AKAP7: variants seen among roughly 807,000 people sequenced by gnomAD.
AKAP7 encodes the protein A-kinase anchoring protein 7.
A neutral mutation model predicts 39.5 loss-of-function variants in AKAP7; 39 were observed. The ratio of observed to expected loss-of-function variants is 0.99; its 90% CI spans 0.76 to 1.29. The LOEUF is 1.29. Among genes scored for constraint, AKAP7 ranks in the 50% most tolerant of loss-of-function variants. The probability of loss-of-function intolerance (pLI) is 0.00; values close to 1 mark genes in which losing one functional copy is unlikely to be tolerated. For missense variants in AKAP7, 414 were observed against 407.7 expected (o/e 1.02, Z -0.13); for synonymous variants, 140 against 139.1 (o/e 1.01, Z -0.05).
intron 5 of AKAP7, among the ~76,000 whole-genome samples, chr6:131,179,771 A>G (rs1472688215): frequency 6.6e-6 from 1 of 152,064 alleles, no homozygotes; most frequent in Non-Finnish European, 1.5e-5. Context: ...TAGATGGCTG[A>G]GGTGGAAGGA....
At chr6:131,164,520 C>A in intron 3 of AKAP7, 1 of 438,306 alleles carries the variant, frequency 2.3e-6, no homozygotes, top group Non-Finnish European at 4.6e-6. Context: ...CATGGTAATG[C>A]CCCTCCCCAC....
At chr6:131,217,934 A>C (rs1809335575) in intron 6 of AKAP7, among the ~76,000 whole-genome samples, 1 of 152,174 alleles carries the variant, frequency 6.6e-6, no homozygotes, top group Non-Finnish European at 1.5e-5. Flanking sequence ...AGCATTTAGA[A>C]GACAAGAATC....
intron 6 of AKAP7, among the ~76,000 whole-genome samples, chr6:131,210,458 G>A (rs1274463747): frequency 1.3e-5 from 2 of 152,168 alleles, no homozygotes; most frequent in Non-Finnish European, 2.9e-5. Context: ...TCCTACAGGA[G>A]GTGTTCTATT....
chr6:131,145,811 C>T (rs1801437210), intron 2 of AKAP7, among the ~76,000 whole-genome samples: 1 of 152,132 alleles, frequency 6.6e-6, no homozygotes, highest in South Asian at 2.1e-4. Flanking sequence ...GCCTTGGCCT[C>T]CAAAAGTGCT....
At chr6:131,253,272 G>C (rs549930434) in intron 7 of AKAP7, among the ~76,000 whole-genome samples, 3 of 152,192 alleles carry the variant, frequency 2.0e-5, no homozygotes, top group African/African-American at 7.2e-5. Context: ...TAGTTGTGTG[G>C]GAGCCTAAGC....
intron 7 of AKAP7, among the ~76,000 whole-genome samples, chr6:131,225,624 C>T (rs967307100): frequency 6.6e-6 from 1 of 152,044 alleles, no homozygotes; most frequent in African/African-American, 2.4e-5. Context: ...TATCTTCAAA[C>T]CAAAGATTTG....
intron 5 of AKAP7, among the ~76,000 whole-genome samples, chr6:131,180,848 TAA>T (rs752166424): frequency 5.7e-4 from 68 of 118,518 alleles, no homozygotes; most frequent in Non-Finnish European, 8.4e-4. Flanking sequence ...TTTTTTTTTT[TAA>T]TACTTCTCTC....
intron 2 of AKAP7, among the ~76,000 whole-genome samples, chr6:131,154,762 G>A (rs983837757): frequency 6.6e-6 from 1 of 151,946 alleles, no homozygotes; most frequent in Non-Finnish European, 1.5e-5. Flanking sequence ...AAAAAATCTG[G>A]ATTATTTGAA....
chr6:131,252,444 C>T (rs1812516107), intron 7 of AKAP7, among the ~76,000 whole-genome samples: 2 of 152,148 alleles, frequency 1.3e-5, no homozygotes, highest in Admixed American at 6.6e-5. Context: ...CACTGGTTTT[C>T]TCTTCCTAAT....
At chr6:131,248,895 T>C (rs1193396511) in intron 7 of AKAP7, among the ~76,000 whole-genome samples, 1 of 152,224 alleles carries the variant, frequency 6.6e-6, no homozygotes, top group African/African-American at 2.4e-5. Flanking sequence ...TGGAAGAGTT[T>C]AAAGTTGCTG....
intron 7 of AKAP7, among the ~76,000 whole-genome samples, chr6:131,274,879 C>T (rs1814611413): frequency 6.6e-6 from 1 of 152,126 alleles, no homozygotes; most frequent in South Asian, 2.1e-4. Flanking sequence ...TCCATCATCC[C>T]TGTCGCCATG....
intron 7 of AKAP7, among the ~76,000 whole-genome samples, chr6:131,248,147 G>C (rs1812183215): frequency 6.6e-6 from 1 of 152,146 alleles, no homozygotes; most frequent in African/African-American, 2.4e-5. Flanking sequence ...ACTACCTGGT[G>C]CTAGAAAGAC....
chr6:131,233,364 G>A (rs559137926), intron 7 of AKAP7, among the ~76,000 whole-genome samples: 16 of 152,242 alleles, frequency 1.1e-4, no homozygotes, highest in African/African-American at 3.6e-4. Context: ...GTTTCCAGCT[G>A]AGCAACTTTT....
At chr6:131,265,648 A>G (rs1415876706) in intron 7 of AKAP7, among the ~76,000 whole-genome samples, 1 of 152,192 alleles carries the variant, frequency 6.6e-6, no homozygotes, top group African/African-American at 2.4e-5. Context: ...ACAAAAAAAA[A>G]TTACAGAAGC....
At chr6:131,158,696 G>T (rs1378605611) in intron 2 of AKAP7, among the ~76,000 whole-genome samples, 6 of 151,960 alleles carry the variant, frequency 3.9e-5, no homozygotes, top group African/African-American at 1.5e-4. Context: ...TAGAGGAGAT[G>T]GGGTTTCACC....
chr6:131,188,342 A>G (rs766061085), intron 5 of AKAP7, among the ~76,000 whole-genome samples: 4 of 152,226 alleles, frequency 2.6e-5, no homozygotes, highest in Non-Finnish European at 5.9e-5. Flanking sequence ...GGAACAACAA[A>G]AACAGCTTTA....
chr6:131,136,822 G>A lies in AKAP7; in HGVS notation c.19+1040G>A, dbSNP rs539507738. The A allele has an allele frequency of 2.7e-4, 264 of 984,008 alleles. 2 individuals carry two copies. The African/African-American group carries it at 4.4e-3, about 16-fold the overall frequency. The allele number at this position is 984,008 out of a possible 1,614,324, so 61.0% of individuals were successfully genotyped here. ...CAAGTAACTTGTTGATTTCTACGCA[G>A]CTGTCAACATTTACTAACGTGTAAG... On this transcript the variant is annotated intron_variant, in intron 1 of 7. Coordinates refer to ENST00000431975, the MANE Select transcript of AKAP7 (RefSeq NM_016377.4).
chr6:131,165,178 T>G lies in AKAP7; in HGVS notation c.389T>G (p.Leu130Arg). 6.2e-7 allele frequency: 1 copy of G among 1,609,346 alleles called. No homozygotes were observed. The highest frequency in any genetic ancestry group is 2.2e-5 in the East Asian group (1 of 44,786). ...AGTGATGGTTCCTTTCATATTACCC[T>G]GCTGGTGATGCAATTATTAAATGAA... ...MVSDGSFHIT[L>R]LVMQLLNEDE... Residue 130 changes from leucine (L) to arginine (R), a missense_variant, in exon 4 of 8, where the codon CTG becomes CGG. Transcript: ENST00000431975.
intron 5 of AKAP7, among the ~76,000 whole-genome samples, chr6:131,174,588 A>G (rs1212616464): frequency 1.3e-5 from 2 of 152,232 alleles, no homozygotes; most frequent in South Asian, 4.1e-4. Flanking sequence ...GTGAGACCCC[A>G]TCTCAAAAAA....
Sources: gnomAD v4.1 joint callset for allele counts (sites outside exome capture counted in the v4.1 genomes callset) on GRCh38, gnomAD v4.1.1 for gene constraint, MANE v1.5 for transcripts, NCBI Gene and HGNC (gene_info 2026-07-23, HGNC 2026-07-21) for gene names.